Variants in CD1B observed in about 807,000 individuals in gnomAD.
The protein encoded by CD1B is CD1b molecule.
A neutral mutation model predicts 39.8 loss-of-function variants in CD1B; 43 were observed. The ratio of observed to expected loss-of-function variants is 1.08; its 90% CI spans 0.85 to 1.39. The LOEUF (loss-of-function observed/expected upper bound fraction) is 1.39, where lower values mean the gene tolerates loss of function less well. Among genes scored for constraint, CD1B ranks in the 40% most tolerant of loss-of-function variants. CD1B has a pLI of 0.00. For missense variants in CD1B, 495 were observed against 403.8 expected, an observed-to-expected ratio of 1.23 and a Z score of -1.94; for synonymous variants, 192 against 152.5, an observed-to-expected ratio of 1.26 and a Z score of -1.91.
the CD1B span, chr1:158,293,248 T>G: frequency 1.2e-6 from 2 of 1,614,174 alleles, no homozygotes; most frequent in South Asian, 2.2e-5. Flanking sequence ...GCCTTGGTAG[T>G]GATAGTGCCC....
In CD1B at chr1:158,330,880, C is replaced by T. The variant is rs774733311; in HGVS notation, c.244G>A (p.Ala82Thr). ...ACTCGGAATATCTCCTCTAACTCAGCAACCTCCTTATCACTAAAGTTACCT... is the reference window on the plus strand; with the variant it reads ...ACTCGGAATATCTCCTCTAACTCAGTAACCTCCTTATCACTAAAGTTACCT... ...SKGNFSDKEV[A>T]ELEEIFRVYI... The change falls in exon 2 of 6, where the codon GCT becomes ACT. Residue 82 changes from alanine to threonine, a missense_variant. Ala to Thr is a moderately conservative substitution (Grantham distance 58, BLOSUM62 0). Coordinates refer to ENST00000368168, the MANE Select transcript of CD1B (RefSeq NM_001764.3). 17 of 1,613,858 alleles carry T rather than the reference C, an allele frequency of 1.1e-5. No homozygotes were observed. In the South Asian group the frequency reaches 1.5e-4, roughly 15 times the overall value.
downstream of CD1B, among the ~76,000 whole-genome samples, chr1:158,323,647 A>G (rs1247803794): frequency 6.6e-6 from 1 of 152,224 alleles, no homozygotes; most frequent in Non-Finnish European, 1.5e-5. Context: ...GGGCCTCTCC[A>G]GAATTTAAGC....
At chr1:158,295,903 G>A in the CD1B span, among the ~76,000 whole-genome samples, 1 of 151,748 alleles carries the variant, frequency 6.6e-6, no homozygotes, top group African/African-American at 2.4e-5. Context: ...TACATACACA[G>A]ACATCACTGC....
chr1:158,304,135 G>A, the CD1B span, among the ~76,000 whole-genome samples: 1 of 152,242 alleles, frequency 6.6e-6, no homozygotes, highest in East Asian at 1.9e-4. Flanking sequence ...GCCAAAGCAG[G>A]ATGAGGCATC....
chr1:158,298,917 T>C, the CD1B span, among the ~76,000 whole-genome samples: 2 of 152,220 alleles, frequency 1.3e-5, no homozygotes, highest in Non-Finnish European at 2.9e-5. Context: ...GATTTTGGGC[T>C]GAGGTGATGG....
At chr1:158,326,062 C>T (rs1463424031), downstream of CD1B, among the ~76,000 whole-genome samples, 3 of 152,116 alleles carry the variant, frequency 2.0e-5, no homozygotes, top group Admixed American at 1.3e-4. Context: ...CTCCGCCTCC[C>T]GGGTTCATGC....
chr1:158,289,498 A>G, the CD1B span, among the ~76,000 whole-genome samples: 2 of 152,212 alleles, frequency 1.3e-5, no homozygotes, highest in Non-Finnish European at 2.9e-5. Flanking sequence ...TTATAAAAGA[A>G]TCAGTGAGAA....
chr1:158,288,840 A>G, the CD1B span, among the ~76,000 whole-genome samples: 2 of 152,264 alleles, frequency 1.3e-5, no homozygotes, highest in Admixed American at 6.5e-5. Flanking sequence ...AGCCAGGGTC[A>G]CTGATAAGTC....
chr1:158,318,524 TC>T, the CD1B span, among the ~76,000 whole-genome samples: 1 of 152,194 alleles, frequency 6.6e-6, no homozygotes, highest in African/African-American at 2.4e-5. Flanking sequence ...TGGTAGATCT[TC>T]CTCCATCCTT....
chr1:158,313,776 G>A, the CD1B span, among the ~76,000 whole-genome samples: 1 of 152,124 alleles, frequency 6.6e-6, no homozygotes, highest in Non-Finnish European at 1.5e-5. Context: ...GTAGAATTCA[G>A]CAGTGAGGTC....
the CD1B span, among the ~76,000 whole-genome samples, chr1:158,313,195 T>C: frequency 6.6e-6 from 1 of 152,248 alleles, no homozygotes; most frequent in East Asian, 1.9e-4. Flanking sequence ...CTGGAATGAA[T>C]GCCACTTGAT....
chr1:158,309,516 A>G, the CD1B span, among the ~76,000 whole-genome samples: 1 of 152,194 alleles, frequency 6.6e-6, no homozygotes, highest in Non-Finnish European at 1.5e-5. Flanking sequence ...ATGCTGCTAT[A>G]AAGACACATG....
chr1:158,327,126 G>A (rs557874904), downstream of CD1B, among the ~76,000 whole-genome samples: 13 of 152,246 alleles, frequency 8.5e-5, no homozygotes, highest in Admixed American at 4.6e-4. Flanking sequence ...ATGGACCAGC[G>A]CTGGCTGGTC....
intron 4 of CD1B, 141 bp downstream of exon 4, chr1:158,329,229 C>T (rs367576195): frequency 1.8e-6 from 2 of 1,140,790 alleles, no homozygotes; most frequent in African/African-American, 1.6e-5. Flanking sequence ...ATTTTTACTC[C>T]TGTTGGGATT....
chr1:158,319,895 C>A, the CD1B span, among the ~76,000 whole-genome samples: 57 of 152,204 alleles, frequency 3.7e-4, no homozygotes, highest in Non-Finnish European at 6.3e-4. Context: ...GGACCCTCAG[C>A]TGCAGGTCTG....
At chr1:158,289,828 C>T in the CD1B span, 1 of 452,976 alleles carries the variant, frequency 2.2e-6, no homozygotes, top group Non-Finnish European at 4.0e-6. Flanking sequence ...AGCTTAGTGG[C>T]AGAGCAGCTG....
the CD1B span, among the ~76,000 whole-genome samples, chr1:158,309,162 G>T: frequency 6.6e-6 from 1 of 152,156 alleles, no homozygotes; most frequent in Non-Finnish European, 1.5e-5. Context: ...CCATCAAAAA[G>T]TGGGCAAAGG....
the CD1B span, among the ~76,000 whole-genome samples, chr1:158,315,209 C>A: frequency 2.6e-5 from 4 of 152,128 alleles, no homozygotes; most frequent in African/African-American, 9.7e-5. Context: ...ATTTCTAGTT[C>A]TAGATCCCTG....
chr1:158,319,631 A>C, the CD1B span, among the ~76,000 whole-genome samples: 2 of 152,074 alleles, frequency 1.3e-5, no homozygotes, highest in Admixed American at 6.5e-5. Context: ...GCTCAGAGTA[A>C]TTTGATCGTC....
Sources: allele counts gnomAD v4.1 joint callset (sites outside exome capture counted in the v4.1 genomes callset), GRCh38; gene constraint gnomAD v4.1.1; transcripts MANE v1.5; gene names NCBI Gene and HGNC (gene_info 2026-07-23, HGNC 2026-07-21).